The following HTR2A variants were observed in gnomAD, a reference collection of about 807,000 sequenced individuals.
HTR2A encodes the protein 5-hydroxytryptamine receptor 2A.
A neutral mutation model predicts 31.0 loss-of-function variants in HTR2A; 14 were observed. The observed-to-expected ratio is 0.45, with a 90% CI of 0.30 to 0.71. The LOEUF is 0.71. Ranked by LOEUF, HTR2A falls within the 30% of genes least tolerant of loss-of-function variation. HTR2A has a pLI of 0.09. For synonymous variants in HTR2A, 209 were observed against 225.2 expected, an observed-to-expected ratio of 0.93 and a Z score of 0.64; for missense variants, 442 against 573.3, an observed-to-expected ratio of 0.77 and a Z score of 2.34.
In HTR2A at chr13:46,835,415, A is replaced by AAG. The variant is rs780484633; in HGVS notation, c.836_837dup (p.Ser280LeufsTer56). ...GAACTCTGAGGGAGGAAGCTGAAAG[A>AAG]AGCTAATTTGGCCCGTGTGCCAAGA... On this transcript the variant is annotated frameshift_variant, in exon 4 of 4. Transcript: ENST00000542664. LOFTEE classifies it high-confidence loss of function. 1 of 1,614,138 alleles carries AAG rather than the reference A, an allele frequency of 6.2e-7. No individual in the cohort carries two copies.
chr13:46,895,833 G>T lies in HTR2A; in HGVS notation c.74C>A (p.Thr25Asn), dbSNP rs1805055. 34,891 of 1,614,066 alleles carry T rather than the reference G, an allele frequency of 0.022. 410 individuals are homozygous for T. Among genetic ancestry groups the T allele is most frequent in the Non-Finnish European group, 0.024 (28,268 of 1,179,966 alleles). ...GTTAAAGTCATTACTGTAGAGCCTG[G>T]TGTCATCATTTAATTGCATTAGGGA... ...TNSLMQLNDD[T>N]RLYSNDFNSG... is the part of the protein sequence containing the mutation. Residue 25 changes from threonine (T) to asparagine (N), a missense_variant, in exon 2 of 4, where the codon ACC becomes AAC. Thr to Asn is a moderately conservative substitution (Grantham distance 65). Around this residue, in one of 5 missense-constraint regions of HTR2A, gnomAD observed 83 missense variants for 84.8 expected, o/e 0.98. Coordinates refer to ENST00000542664, the MANE Select transcript of HTR2A (RefSeq NM_000621.5). This position sits in a 1 kb window ranked among gnomAD's most constrained non-coding sequence, Gnocchi z 4.4.
chr13:46,884,739 C>A (rs1328683), intron 3 of HTR2A, among the ~76,000 whole-genome samples: 16 of 152,014 alleles, frequency 1.1e-4, no homozygotes, highest in Non-Finnish European at 1.5e-5. Flanking sequence ...ACAATCCTGC[C>A]ATTCTTTCTA....
At chr13:46,840,658 A>G (rs932743773) in intron 3 of HTR2A, among the ~76,000 whole-genome samples, 3 of 152,128 alleles carry the variant, frequency 2.0e-5, no homozygotes, top group Non-Finnish European at 4.4e-5. Flanking sequence ...CTTAATTCTT[A>G]TGGTGGATTT....
chr13:46,849,377 G>A (rs1950665242), intron 3 of HTR2A, among the ~76,000 whole-genome samples: 1 of 151,972 alleles, frequency 6.6e-6, no homozygotes, highest in African/African-American at 2.4e-5. Flanking sequence ...GCCCTCAAGG[G>A]GCTCCCATCC....
At chr13:46,888,924 CT>C (rs1951029924) in intron 3 of HTR2A, among the ~76,000 whole-genome samples, 1 of 151,984 alleles carries the variant, frequency 6.6e-6, no homozygotes, top group Admixed American at 6.6e-5. Flanking sequence ...ATTGACAATT[CT>C]TGATTAGTCC....
chr13:46,897,106 C>T, upstream of HTR2A: 1 of 348,334 alleles, frequency 2.9e-6, no homozygotes, highest in Non-Finnish European at 5.1e-6. Flanking sequence ...TCATAAGCTG[C>T]AAGGTAGCAA....
rs1403980207 is a variant in HTR2A, at chr13:46,895,731, C to G, written c.176G>C (p.Gly59Ala). 6.2e-7 allele frequency: 1 copy of G among 1,614,056 alleles called. No individual in the cohort carries two copies. Among genetic ancestry groups the G allele is most frequent in the Non-Finnish European group, 8.5e-7 (1 of 1,180,008 alleles). Residue 59 changes from glycine to alanine, a missense_variant, in exon 2 of 4, where the codon GGG becomes GCG. Gly to Ala is a moderately conservative substitution (Grantham distance 60, BLOSUM62 0). Around this residue, in one of 5 missense-constraint regions of HTR2A, gnomAD observed 83 missense variants for 84.8 expected, o/e 0.98. Transcript: ENST00000542664. The surrounding 1 kb of genome is among the most constrained non-coding windows in gnomAD (Gnocchi z 4.4). Reference protein sequence around the residue: ...SENRTNLSCEGCLSPSCLSLL... With the variant: ...SENRTNLSCEACLSPSCLSLL... ...GGAGAGACACGACGGTGAGAGGCAC[C>G]CTTCACAGGAAAGGTTGGTTCGATT...
chr13:46,878,053 C>T (rs927404530), intron 3 of HTR2A, among the ~76,000 whole-genome samples: 1 of 152,034 alleles, frequency 6.6e-6, no homozygotes, highest in African/African-American at 2.4e-5. Flanking sequence ...TTTAAGGATC[C>T]GTACTTTATG....
chr13:46,891,385 A>G lies in HTR2A; in HGVS notation c.613+1005T>C, dbSNP rs1428605473. Among the ~76,000 whole-genome samples the G allele has an allele frequency of 2.0e-5, 3 of 152,314 alleles. No individual in the cohort carries two copies. The East Asian group carries it at 5.8e-4, about 29-fold the overall frequency. ...TGAATCCCAGTTTTTCCTCATCTAT[A>G]AGATGGAGCTACTTACTCTTCAAAT... is the stretch of plus-strand genomic sequence containing the variant. On this transcript the variant is annotated intron_variant, in intron 3 of 3. Transcript: ENST00000542664.
chr13:46,896,707 T>A lies in HTR2A; in HGVS notation c.-362A>T. ...TCAGGGTCCACACATGAGATACATTTGTTATTCTGTGACTCGCTGCATCTC... is the reference window on the plus strand; with the variant it reads ...TCAGGGTCCACACATGAGATACATTAGTTATTCTGTGACTCGCTGCATCTC... On this transcript the variant is annotated 5_prime_UTR_variant, in exon 1 of 4. It introduces an in-frame stop codon into an upstream open reading frame of the 5' UTR. Transcript: ENST00000542664. 6.5e-7 allele frequency: 1 copy of A among 1,535,722 alleles called. No homozygotes were observed. Among genetic ancestry groups the A allele is most frequent in the Non-Finnish European group, 8.7e-7 (1 of 1,145,896 alleles).
rs187072884 is a variant in HTR2A, at chr13:46,883,520, G to A, written c.613+8870C>T. Among the ~76,000 whole-genome samples the A allele has an allele frequency of 2.6e-5, 4 of 152,250 alleles. No homozygotes were observed. In the East Asian group the frequency reaches 7.7e-4, roughly 29 times the overall value. On this transcript the variant is annotated intron_variant, in intron 3 of 3. Transcript: ENST00000542664. ...ATCTTTGGTTGCCTGTCAGAATACG[G>A]CAATGTGAGAATAGTCATTTTCACC...
chr13:46,886,674 A>C (rs1221119247), intron 3 of HTR2A, among the ~76,000 whole-genome samples: 2 of 152,162 alleles, frequency 1.3e-5, no homozygotes, highest in African/African-American at 4.8e-5. Flanking sequence ...AATTGGTGAG[A>C]GGGTACCAAG....
At chr13:46,865,479 C>T (rs1413397759) in intron 3 of HTR2A, among the ~76,000 whole-genome samples, 1 of 152,188 alleles carries the variant, frequency 6.6e-6, no homozygotes, top group Non-Finnish European at 1.5e-5. Context: ...TAGCAACAGC[C>T]TGCAATACAA....
chr13:46,882,831 A>T (rs1201718494), intron 3 of HTR2A, among the ~76,000 whole-genome samples: 2 of 152,192 alleles, frequency 1.3e-5, no homozygotes, highest in Non-Finnish European at 2.9e-5. Context: ...ATTAGCATCT[A>T]TTTTCTTTTC....
At chr13:46,853,656 A>T (rs621494) in intron 3 of HTR2A, among the ~76,000 whole-genome samples, 1 of 151,848 alleles carries the variant, frequency 6.6e-6, no homozygotes, top group East Asian at 1.9e-4. Flanking sequence ...CTGGGCTGAC[A>T]TTGCTTTTTC....
intron 3 of HTR2A, among the ~76,000 whole-genome samples, chr13:46,849,426 C>T (rs1418298305): frequency 6.6e-6 from 1 of 152,146 alleles, no homozygotes. Context: ...CTCAGAGACC[C>T]CGCACTGCAC....
Position 46,896,008 on chromosome 13 carries a change from G to A in HTR2A, c.-102C>T, listed in dbSNP as rs1951101216. The A allele has an allele frequency of 6.1e-6, 9 of 1,487,118 alleles. No homozygotes were observed. Among genetic ancestry groups the A allele is most frequent in the Non-Finnish European group, 8.0e-6 (9 of 1,126,682 alleles). The allele number at this position is 1,487,118 out of a possible 1,614,324, so 92.1% of individuals were successfully genotyped here. A position where few individuals can be genotyped will look rare whatever the true frequency, so the allele number is the denominator to read the frequency against. On this transcript the variant is annotated 5_prime_UTR_variant, in exon 2 of 4. Transcript: ENST00000542664. The stretch of plus-strand genomic sequence containing the variant: ...TGTACCCACACTCTGTAACACTGAG[G>A]CTGGTGTACATGCTGTTCTCCCGGG...
At chr13:46,860,249 T>C (rs955818258) in intron 3 of HTR2A, among the ~76,000 whole-genome samples, 2 of 152,200 alleles carry the variant, frequency 1.3e-5, no homozygotes, top group African/African-American at 4.8e-5. Context: ...AGACTTCTAA[T>C]CCAAACCCAG....
At chr13:46,846,362 C>T (rs1950642937) in intron 3 of HTR2A, among the ~76,000 whole-genome samples, 1 of 152,066 alleles carries the variant, frequency 6.6e-6, no homozygotes, top group Non-Finnish European at 1.5e-5. Context: ...TCCTTAATGC[C>T]CAGAGTTCTT....
Sources: gnomAD v4.1 joint callset for allele counts (sites outside exome capture counted in the v4.1 genomes callset) on GRCh38, gnomAD v4.1.1 for gene constraint, gnomAD v4.1.1 regional missense constraint, Gnocchi (gnomAD v3.1) non-coding constraint, MANE v1.5 for transcripts, NCBI Gene and HGNC (gene_info 2026-07-23, HGNC 2026-07-21) for gene names.